NT5C2: variants seen among roughly 807,000 people sequenced by gnomAD.
NT5C2 encodes the protein cytosolic purine 5'-nucleotidase.
NT5C2 carries 58 observed loss-of-function variants against 76.1 expected under a neutral mutation model. The observed-to-expected ratio is 0.76, with a 90% CI of 0.62 to 0.95. The LOEUF (loss-of-function observed/expected upper bound fraction) is 0.95. NT5C2 is among the 40% of genes least tolerant of loss of function. NT5C2 has a pLI of 0.00. For missense variants in NT5C2, 478 were observed against 690.3 expected, an observed-to-expected ratio of 0.69 and a Z score of 3.45; for synonymous variants, 229 against 237.4, an observed-to-expected ratio of 0.96 and a Z score of 0.32.
At chr10:103,174,622 T>C (rs1019517520) in intron 3 of NT5C2, among the ~76,000 whole-genome samples, 12 of 146,998 alleles carry the variant, frequency 8.2e-5, no homozygotes, top group Non-Finnish European at 1.7e-4. Context: ...TTAACTTAGG[T>C]GCAATTTTCT....
intron 4 of NT5C2, among the ~76,000 whole-genome samples, chr10:103,137,995 T>C (rs1364481695): frequency 6.6e-6 from 1 of 152,156 alleles, no homozygotes; most frequent in East Asian, 1.9e-4. Flanking sequence ...ATGTGGAAAC[T>C]TAAACACAAA....
intron 4 of NT5C2, among the ~76,000 whole-genome samples, chr10:103,116,030 T>C (rs1040203358): frequency 1.3e-5 from 2 of 152,140 alleles, no homozygotes; most frequent in Non-Finnish European, 2.9e-5. Context: ...TAAGAAATTC[T>C]GAAGTTTAAG....
chr10:103,137,929 TTTGG>T (rs1187167342), intron 4 of NT5C2, among the ~76,000 whole-genome samples: 5 of 152,240 alleles, frequency 3.3e-5, no homozygotes, highest in African/African-American at 7.2e-5. Context: ...TAGTTTTTTG[TTTGG>T]TTGGTTGGTT....
In NT5C2 at chr10:103,100,645, GGAATGAAATTAAATTACCATCCCT is replaced by G. The variant is rs1590782072; in HGVS notation, c.539+376_539+399del. The G allele has an allele frequency of 2.1e-5, 10 of 468,362 alleles. No individual in the cohort carries two copies. In the East Asian group the frequency reaches 6.6e-4, roughly 31 times the overall value. 29.0% of individuals were successfully genotyped at this position (468,362 alleles called of 1,614,324 possible). On this transcript the variant is annotated intron_variant, in intron 8 of 18. Transcript: ENST00000404739. ...CCTTAATCAAATCTTGCCTGGCCTG[GGAATGAAATTAAATTACCATCCCT>G]GAATGGCTCCTGGGTAGCTGCTGTG... is the stretch of plus-strand genomic sequence containing the variant.
intron 1 of NT5C2, among the ~76,000 whole-genome samples, chr10:103,182,810 T>C (rs1443986039): frequency 2.0e-5 from 3 of 152,206 alleles, no homozygotes; most frequent in Non-Finnish European, 4.4e-5. Context: ...TCACTGCATA[T>C]TACTCATGTT....
chr10:103,091,642 A>C (rs199874308), intron 15 of NT5C2, 27 bp from the exon 16 acceptor site: 8 of 1,592,382 alleles, frequency 5.0e-6, no homozygotes, highest in Non-Finnish European at 6.9e-6. Context: ...AGGAAAAGGA[A>C]GACATTTTAA....
At chr10:103,174,587 A>C (rs1231666291) in intron 3 of NT5C2, among the ~76,000 whole-genome samples, 1 of 152,124 alleles carries the variant, frequency 6.6e-6, no homozygotes, top group East Asian at 1.9e-4. Flanking sequence ...ACTCCCTCAA[A>C]AAAAGAAAGA....
intron 3 of NT5C2, among the ~76,000 whole-genome samples, chr10:103,150,635 G>T (rs2082236671): frequency 6.6e-6 from 1 of 152,168 alleles, no homozygotes; most frequent in Non-Finnish European, 1.5e-5. Context: ...CAATGCATGA[G>T]AGTTACCATT....
intron 1 of NT5C2, among the ~76,000 whole-genome samples, chr10:103,190,056 C>T (rs1332902781): frequency 3.1e-5 from 4 of 129,222 alleles, no homozygotes; most frequent in African/African-American, 9.2e-5. Flanking sequence ...GGCTGGAGTG[C>T]GTGGCGCAAT....
intron 4 of NT5C2, among the ~76,000 whole-genome samples, chr10:103,131,796 C>G (rs1054154091): frequency 2.0e-5 from 3 of 152,114 alleles, no homozygotes; most frequent in African/African-American, 7.2e-5. Context: ...GTGGCTTGCA[C>G]CTGTATCTCC....
At chr10:103,188,303 A>G (rs2092290985) in intron 1 of NT5C2, among the ~76,000 whole-genome samples, 1 of 152,202 alleles carries the variant, frequency 6.6e-6, no homozygotes, top group Non-Finnish European at 1.5e-5. Context: ...AGTTGCAGTA[A>G]GCAGAGATCA....
chr10:103,122,237 C>CAA (rs1475687070), intron 4 of NT5C2, among the ~76,000 whole-genome samples: 2 of 152,152 alleles, frequency 1.3e-5, no homozygotes, highest in Non-Finnish European at 2.9e-5. Context: ...TGAGGCTTAA[C>CAA]GAAGCTTTAA....
rs138626837 is a variant in NT5C2 at position 103,092,902 on chromosome 10, A to AAATTT, written c.1159+236_1159+237insAAATT. On this transcript the variant is annotated intron_variant, in intron 15 of 18. Coordinates refer to ENST00000404739, the MANE Select transcript of NT5C2 (RefSeq NM_001351169.2). ...ACACAACTCAAGACGCCAACATTCT[A>AAATTT]AACTTAACCTCGAAGAGATTCAAGA... Among the ~76,000 whole-genome samples the AAATTT allele has an allele frequency of 2.2e-3, 340 of 151,854 alleles. 4 individuals are homozygous for AAATTT. Among genetic ancestry groups the AAATTT allele is most frequent in the African/African-American group, 7.8e-3 (322 of 41,408 alleles).
At chr10:103,151,724 G>C (rs947043209) in intron 3 of NT5C2, among the ~76,000 whole-genome samples, 6 of 151,814 alleles carry the variant, frequency 4.0e-5, no homozygotes, top group Admixed American at 3.9e-4. Flanking sequence ...ATGATAACAC[G>C]GTACTAAATG....
chr10:103,093,888 T>C, intron 14 of NT5C2, 84 bp downstream of exon 14: 1 of 1,003,268 alleles, frequency 1.0e-6, no homozygotes, highest in Non-Finnish European at 1.6e-6. Flanking sequence ...AAACAGTATA[T>C]GTGGCACTTT....
chr10:103,191,431 CTG>C (rs2092636439), intron 1 of NT5C2, among the ~76,000 whole-genome samples: 1 of 151,164 alleles, frequency 6.6e-6, no homozygotes, highest in Non-Finnish European at 1.5e-5. Context: ...AAAAAAAAAC[CTG>C]TGTTTTATGT....
intron 8 of NT5C2, 53 bp downstream of exon 8, chr10:103,100,992 G>A (rs1332842186): frequency 3.0e-6 from 3 of 1,001,054 alleles, no homozygotes; most frequent in Non-Finnish European, 4.7e-6. Context: ...CTAAAACCCT[G>A]TGCATTAATT....
intron 4 of NT5C2, chr10:103,125,218 G>A: frequency 1.3e-6 from 1 of 771,228 alleles, no homozygotes; most frequent in Non-Finnish European, 2.2e-6. Context: ...TGCCTGTGAG[G>A]TTCACTACAA....
chr10:103,090,649 AAT>A lies in NT5C2; in HGVS notation c.1409_1410del (p.Tyr470LeufsTer17). 1 of 1,614,168 alleles carries A rather than the reference AAT, an allele frequency of 6.2e-7. No individual in the cohort carries two copies. The highest frequency in any genetic ancestry group is 1.7e-5 in the Admixed American group (1 of 60,016). The stretch of plus-strand genomic sequence containing the variant: ...GCCCTGAAGAGGTAGCTGAAAGGGT[AAT>A]ACAGCAGGTTGATGAAAGATGCTGC... ...LYAASFINLL[Y>X]YPFSYLFRAA... On this transcript the variant is annotated frameshift_variant, in exon 18 of 19. Transcript: ENST00000404739. LOFTEE classifies it high-confidence loss of function.
Sources: allele counts gnomAD v4.1 joint callset (sites outside exome capture counted in the v4.1 genomes callset), GRCh38; gene constraint gnomAD v4.1.1; transcripts MANE v1.5; gene names NCBI Gene and HGNC (gene_info 2026-07-23, HGNC 2026-07-21).